PRIM2: variants seen among roughly 807,000 people sequenced by gnomAD.
PRIM2 encodes DNA primase subunit 2.
In PRIM2, 39 loss-of-function variants were observed where a neutral mutation model predicts 67.3. That is an observed-to-expected ratio of 0.58 (90% CI 0.45 to 0.76). The LOEUF (loss-of-function observed/expected upper bound fraction) is 0.76, where lower values mean the gene tolerates loss of function less well. PRIM2 is among the 30% of genes least tolerant of loss of function. The pLI is 0.00. For missense variants in PRIM2, 398 were observed against 598.7 expected (o/e 0.66, Z 3.50); for synonymous variants, 143 against 198.7 (o/e 0.72, Z 2.36).
chr6:57,468,297 C>T (rs1181382498), intron 7 of PRIM2, among the ~76,000 whole-genome samples: 1 of 152,242 alleles, frequency 6.6e-6, no homozygotes, highest in African/African-American at 2.4e-5. Context: ...TTTTGTGATA[C>T]GTTCCATCAA....
the PRIM2 span, among the ~76,000 whole-genome samples, chr6:57,285,393 A>G: frequency 1.3e-5 from 2 of 152,168 alleles, no homozygotes; most frequent in Admixed American, 1.3e-4. Flanking sequence ...GGCAAACCAA[A>G]CCCAGCAGCA....
chr6:57,518,785 T>C (rs1449711067), intron 8 of PRIM2, among the ~76,000 whole-genome samples: 3 of 152,232 alleles, frequency 2.0e-5, no homozygotes, highest in Non-Finnish European at 4.4e-5. Context: ...GACATAGGAC[T>C]CTTCTTTATG....
At chr6:57,233,197 G>A in the PRIM2 span, among the ~76,000 whole-genome samples, 2 of 152,110 alleles carry the variant, frequency 1.3e-5, no homozygotes, top group African/African-American at 2.4e-5. Context: ...TTTTGTCTCA[G>A]GGAAGTTTTC....
chr6:57,341,936 T>C (rs1562703624), intron 5 of PRIM2, among the ~76,000 whole-genome samples: 1 of 152,254 alleles, frequency 6.6e-6, no homozygotes. Flanking sequence ...GTGCTGTGTT[T>C]GTGTGCATTT....
chr6:57,322,907 A>T (rs142258675), intron 3 of PRIM2, among the ~76,000 whole-genome samples: 2 of 152,290 alleles, frequency 1.3e-5, no homozygotes, highest in South Asian at 4.2e-4. Flanking sequence ...TCTTGGGACA[A>T]CTGGTGAAGA....
chr6:57,423,146 G>A (rs1277456291), intron 7 of PRIM2, among the ~76,000 whole-genome samples: 3 of 151,930 alleles, frequency 2.0e-5, no homozygotes, highest in Non-Finnish European at 4.4e-5. Flanking sequence ...GTAGCCTATC[G>A]GAAAGTCTGT....
At chr6:57,341,864 G>T (rs1004401004) in intron 5 of PRIM2, among the ~76,000 whole-genome samples, 1 of 152,194 alleles carries the variant, frequency 6.6e-6, no homozygotes, top group Non-Finnish European at 1.5e-5. Flanking sequence ...CATCTTGTTT[G>T]TCACAGAAGC....
intron 10 of PRIM2, among the ~76,000 whole-genome samples, chr6:57,585,057 A>G (rs1158463210): frequency 2.2e-4 from 34 of 152,360 alleles, no homozygotes; most frequent in Admixed American, 1.6e-3. Context: ...TAGAGTAACA[A>G]AAGCAGTGTT....
intron 7 of PRIM2, among the ~76,000 whole-genome samples, chr6:57,464,311 T>A (rs1408911151): frequency 3.9e-5 from 6 of 151,982 alleles, no homozygotes; most frequent in Non-Finnish European, 8.8e-5. Flanking sequence ...GGAGTCTTGC[T>A]CTGTCACCCA....
chr6:57,368,574 T>G (rs1399920255), intron 5 of PRIM2, among the ~76,000 whole-genome samples: 1 of 152,210 alleles, frequency 6.6e-6, no homozygotes, highest in Non-Finnish European at 1.5e-5. Flanking sequence ...CCCAAGATGA[T>G]CATTTGGGAA....
intron 10 of PRIM2, among the ~76,000 whole-genome samples, chr6:57,592,625 C>G (rs1776301201): frequency 6.6e-6 from 1 of 152,038 alleles, no homozygotes. Flanking sequence ...AACATGGTCT[C>G]TACTAAAAAT....
intron 5 of PRIM2, among the ~76,000 whole-genome samples, chr6:57,362,679 CT>C (rs5876543): frequency 1.4e-4 from 21 of 146,308 alleles, no homozygotes; most frequent in Admixed American, 2.1e-4. Flanking sequence ...AAATTACTTC[CT>C]TTTTTTTTTT....
At chr6:57,410,459 A>G (rs543123952) in intron 7 of PRIM2, among the ~76,000 whole-genome samples, 1 of 151,872 alleles carries the variant, frequency 6.6e-6, no homozygotes, top group East Asian at 1.9e-4. Context: ...TTTCTGTTCC[A>G]TTGATATAAA....
At chr6:57,584,590 A>G (rs1431577645) in intron 10 of PRIM2, among the ~76,000 whole-genome samples, 2 of 152,320 alleles carry the variant, frequency 1.3e-5, no homozygotes, top group East Asian at 3.9e-4. Flanking sequence ...AATGTTCTCC[A>G]TGACTTCAGG....
chr6:57,431,797 T>C (rs1167457653), intron 7 of PRIM2, among the ~76,000 whole-genome samples: 8 of 152,206 alleles, frequency 5.3e-5, no homozygotes, highest in African/African-American at 1.7e-4. Context: ...TTTTGATAAC[T>C]TCACTGTGTT....
At chr6:57,333,736 T>C in intron 5 of PRIM2, among the ~76,000 whole-genome samples, 1 of 152,154 alleles carries the variant, frequency 6.6e-6, no homozygotes, top group East Asian at 1.9e-4. Flanking sequence ...TTCTCAATTT[T>C]CTATTTATTT....
intron 10 of PRIM2, among the ~76,000 whole-genome samples, chr6:57,571,762 G>T (rs1194065940): frequency 6.6e-6 from 1 of 150,992 alleles, no homozygotes; most frequent in Non-Finnish European, 1.5e-5. Flanking sequence ...TATTTCTGAG[G>T]GTTCCAGCAA....
chr6:57,259,714 G>T, the PRIM2 span, among the ~76,000 whole-genome samples: 6 of 152,152 alleles, frequency 3.9e-5, no homozygotes, highest in African/African-American at 1.4e-4. Flanking sequence ...TTTCTCAGCT[G>T]CTAGGAATAT....
intron 5 of PRIM2, among the ~76,000 whole-genome samples, chr6:57,374,578 C>G (rs1195054058): frequency 1.3e-5 from 2 of 148,654 alleles, no homozygotes; most frequent in Non-Finnish European, 3.0e-5. Flanking sequence ...AGGCGTGAGC[C>G]ACCGCGCCCG....
Sources: allele counts gnomAD v4.1 joint callset (sites outside exome capture counted in the v4.1 genomes callset), GRCh38; gene constraint gnomAD v4.1.1; transcripts MANE v1.5; gene names NCBI Gene and HGNC (gene_info 2026-07-23, HGNC 2026-07-21).